The following SCFD2 variants were observed in gnomAD, a reference collection of about 807,000 sequenced individuals.
The protein encoded by SCFD2 is sec1 family domain containing 2.
A neutral mutation model predicts 58.9 loss-of-function variants in SCFD2; 54 were observed. The ratio of observed to expected loss-of-function variants is 0.92; its 90% CI spans 0.74 to 1.15. The LOEUF (loss-of-function observed/expected upper bound fraction) is 1.15, where lower values mean the gene tolerates loss of function less well. SCFD2 is among the 50% of genes most tolerant of loss of function. The probability of loss-of-function intolerance (pLI) is 0.00; values close to 1 mark genes in which losing one functional copy is unlikely to be tolerated. For synonymous variants in SCFD2, 321 were observed against 335.9 expected (o/e 0.96, Z 0.49); for missense variants, 805 against 836.6 (o/e 0.96, Z 0.47).
chr4:53,182,057 C>T (rs1727580164), intron 4 of SCFD2, among the ~76,000 whole-genome samples: 2 of 152,112 alleles, frequency 1.3e-5, no homozygotes, highest in Non-Finnish European at 2.9e-5. Context: ...GAATCAATAT[C>T]GTGAAAATGG....
At chr4:53,042,827 C>T (rs1722933478) in intron 5 of SCFD2, among the ~76,000 whole-genome samples, 1 of 152,074 alleles carries the variant, frequency 6.6e-6, no homozygotes, top group Non-Finnish European at 1.5e-5. Context: ...TTGGAGCAGC[C>T]TCCTGTAGTT....
At chr4:53,183,688 A>G (rs988067350) in intron 4 of SCFD2, among the ~76,000 whole-genome samples, 8 of 152,084 alleles carry the variant, frequency 5.3e-5, no homozygotes, top group African/African-American at 1.9e-4. Flanking sequence ...AATGAAAACT[A>G]ACATTTAACA....
At chr4:53,306,197 T>C (rs17082565) in intron 3 of SCFD2, among the ~76,000 whole-genome samples, 19,371 of 152,160 alleles carry the variant, frequency 0.13, 1,402 homozygotes, top group East Asian at 0.22. Context: ...ATGTTTTTTA[T>C]TTATTTTGGA....
intron 6 of SCFD2, among the ~76,000 whole-genome samples, chr4:52,918,498 A>T (rs546494614): frequency 1.3e-5 from 2 of 152,300 alleles, no homozygotes; most frequent in African/African-American, 4.8e-5. Context: ...TTTGAAAAAC[A>T]CTGAAAAACC....
At chr4:53,218,577 A>ATGGG (rs1313804692) in intron 4 of SCFD2, among the ~76,000 whole-genome samples, 3 of 152,150 alleles carry the variant, frequency 2.0e-5, no homozygotes, top group Non-Finnish European at 2.9e-5. Flanking sequence ...CTTCTTTGCG[A>ATGGG]TGGGTTTGCA....
chr4:53,003,082 C>A (rs1339882799), intron 5 of SCFD2, among the ~76,000 whole-genome samples: 1 of 152,212 alleles, frequency 6.6e-6, no homozygotes, highest in East Asian at 1.9e-4. Flanking sequence ...CCAGTCCCCT[C>A]CCATTGGGCC....
At chr4:53,352,417 T>C (rs1305097341) in intron 2 of SCFD2, among the ~76,000 whole-genome samples, 181 bp downstream of exon 2, 1 of 152,238 alleles carries the variant, frequency 6.6e-6, no homozygotes, top group Non-Finnish European at 1.5e-5. Flanking sequence ...TGGATTATTA[T>C]GTTTAGTGGA....
chr4:53,189,862 T>C (rs1436124640), intron 4 of SCFD2, among the ~76,000 whole-genome samples: 1 of 152,198 alleles, frequency 6.6e-6, no homozygotes, highest in Non-Finnish European at 1.5e-5. Flanking sequence ...CATCCTTAAG[T>C]GTATATCACT....
intron 5 of SCFD2, among the ~76,000 whole-genome samples, chr4:53,088,941 A>G (rs1444252227): frequency 2.6e-5 from 4 of 152,156 alleles, no homozygotes; most frequent in African/African-American, 7.2e-5. Flanking sequence ...TGATAAGGCC[A>G]TGAGGGCAGA....
At chr4:53,014,751 C>T (rs1261824427) in intron 5 of SCFD2, among the ~76,000 whole-genome samples, 1 of 152,140 alleles carries the variant, frequency 6.6e-6, no homozygotes, top group Non-Finnish European at 1.5e-5. Context: ...ATAAATGCTT[C>T]TTGAATAAAT....
At chr4:53,047,864 T>C (rs1428282400) in intron 5 of SCFD2, among the ~76,000 whole-genome samples, 1 of 152,162 alleles carries the variant, frequency 6.6e-6, no homozygotes, top group Non-Finnish European at 1.5e-5. Context: ...GAACTGATAA[T>C]ATTTTGCAGG....
chr4:53,191,807 A>C (rs370028912), intron 4 of SCFD2, among the ~76,000 whole-genome samples: 3 of 152,340 alleles, frequency 2.0e-5, no homozygotes, highest in East Asian at 3.9e-4. Flanking sequence ...AAAAACAGAA[A>C]GCACCAATTA....
chr4:53,235,835 A>G (rs1038779566), intron 4 of SCFD2, among the ~76,000 whole-genome samples: 4 of 152,222 alleles, frequency 2.6e-5, no homozygotes, highest in Non-Finnish European at 4.4e-5. Context: ...ATATGTGTGT[A>G]TAAGGACAAA....
intron 4 of SCFD2, among the ~76,000 whole-genome samples, chr4:53,269,902 C>T (rs1410712829): frequency 6.6e-6 from 1 of 151,982 alleles, no homozygotes; most frequent in Non-Finnish European, 1.5e-5. Flanking sequence ...GGTGCACACC[C>T]GTAATTCCAG....
chr4:53,133,202 C>T (rs1725841665), intron 5 of SCFD2, among the ~76,000 whole-genome samples: 1 of 151,904 alleles, frequency 6.6e-6, no homozygotes, highest in Non-Finnish European at 1.5e-5. Context: ...GTGGCGGGTG[C>T]CTGTAGTCCC....
Position 53,254,811 on chromosome 4 carries a change from TTTTATTTTA to T in SCFD2, c.1311+19006_1311+19014del, listed in dbSNP as rs1560414462. Among the ~76,000 whole-genome samples, 88 of 12,856 alleles carry T rather than the reference TTTTATTTTA, an allele frequency of 6.8e-3. 2 individuals are homozygous for T. The South Asian group carries it at 0.21, about 30-fold the overall frequency. The allele number at this position is 12,856 out of a possible 152,430, so 8.4% of individuals were successfully genotyped here. ...ACTTCATGTTTATTTTATTTTTTTA[TTTTATTTTA>T]TTTTATTTTATTTTATTTTATTTTA... On this transcript the variant is annotated intron_variant, in intron 4 of 8. Coordinates refer to ENST00000401642, the MANE Select transcript of SCFD2 (RefSeq NM_152540.4).
At chr4:53,194,965 T>C (rs1332152146) in intron 4 of SCFD2, among the ~76,000 whole-genome samples, 1 of 152,222 alleles carries the variant, frequency 6.6e-6, no homozygotes, top group African/African-American at 2.4e-5. Context: ...AGATTGGACA[T>C]TAACAGGATT....
chr4:53,121,479 C>A (rs143701881), intron 5 of SCFD2, among the ~76,000 whole-genome samples: 1 of 152,324 alleles, frequency 6.6e-6, no homozygotes, highest in East Asian at 1.9e-4. Flanking sequence ...CAAAACAGGG[C>A]TCCAGAACAG....
chr4:53,266,034 A>G (rs1364782803), intron 4 of SCFD2, among the ~76,000 whole-genome samples: 1 of 152,120 alleles, frequency 6.6e-6, no homozygotes, highest in Non-Finnish European at 1.5e-5. Flanking sequence ...TGGCCAATAA[A>G]TTTTTAATGG....
Sources: allele counts gnomAD v4.1 joint callset (sites outside exome capture counted in the v4.1 genomes callset), GRCh38; gene constraint gnomAD v4.1.1; transcripts MANE v1.5; gene names NCBI Gene and HGNC (gene_info 2026-07-23, HGNC 2026-07-21).